PRKN: variants seen among roughly 807,000 people sequenced by gnomAD.
PRKN encodes parkin RBR E3 ubiquitin protein ligase.
A neutral mutation model predicts 59.5 loss-of-function variants in PRKN; 56 were observed. That is an observed-to-expected ratio of 0.94 (90% CI 0.76 to 1.18). The LOEUF is 1.18. Ranked by LOEUF, PRKN falls within the 50% of genes most tolerant of loss-of-function variation. The pLI is 0.00. For synonymous variants in PRKN, 250 were observed against 222.1 expected (o/e 1.13, Z -1.12); for missense variants, 657 against 596.4 (o/e 1.10, Z -1.06).
intron 2 of PRKN, among the ~76,000 whole-genome samples, chr6:162,419,343 C>A (rs1788832321): frequency 6.6e-6 from 1 of 152,106 alleles, no homozygotes; most frequent in Admixed American, 6.5e-5. Flanking sequence ...AAGTGTTCAA[C>A]TTTATTATAA....
chr6:161,589,124 T>C (rs1202938956), intron 7 of PRKN, among the ~76,000 whole-genome samples: 5 of 152,210 alleles, frequency 3.3e-5, no homozygotes, highest in Admixed American at 3.3e-4. Flanking sequence ...CAGGACATAG[T>C]ATACGGCATG....
At chr6:162,371,365 C>T (rs1230625146) in intron 2 of PRKN, among the ~76,000 whole-genome samples, 2 of 152,102 alleles carry the variant, frequency 1.3e-5, no homozygotes, top group East Asian at 1.9e-4. Context: ...GACTCACAGC[C>T]GCCCTCATGC....
At chr6:161,543,885 A>T (rs1779704551) in intron 9 of PRKN, among the ~76,000 whole-genome samples, 1 of 152,222 alleles carries the variant, frequency 6.6e-6, no homozygotes, top group South Asian at 2.1e-4. Context: ...TTCCAGCACT[A>T]AACACGTCAG....
In PRKN at chr6:162,306,268, T is replaced by C. The variant is rs1431540106; in HGVS notation, c.172-43503A>G. Among the ~76,000 whole-genome samples, 5 of 152,154 alleles carry C rather than the reference T, an allele frequency of 3.3e-5. No homozygotes were observed. In the East Asian group the frequency reaches 9.6e-4, roughly 29 times the overall value. On this transcript the variant is annotated intron_variant, in intron 2 of 11. Coordinates refer to ENST00000366898, the MANE Select transcript of PRKN (RefSeq NM_004562.3). ...AGGGTGTCGGGTAATTTGGTAATGC[T>C]GGTTCACAAGAAATGATGGTTCTAA...
chr6:161,734,345 A>G (rs906899397), intron 7 of PRKN, among the ~76,000 whole-genome samples: 3 of 152,186 alleles, frequency 2.0e-5, no homozygotes, highest in Admixed American at 1.3e-4. Context: ...CATCTTCCCT[A>G]GCTGTAATAT....
rs1388784975 is a variant in PRKN at position 161,473,241 on chromosome 6, A to T, written c.1083+75613T>A. 1.3e-5 allele frequency among the ~76,000 whole-genome samples: 2 copies of T among 152,186 alleles called. No individual in the cohort carries two copies. On this transcript the variant is annotated intron_variant, in intron 9 of 11. Transcript: ENST00000366898. This position sits in a 1 kb window ranked among gnomAD's most constrained non-coding sequence, Gnocchi z 4.1. ...TTTACAATAGCAAGATATGCAAACA[A>T]CCTAAGTAAGCATCAAAGGATGAAT...
At chr6:162,413,963 C>T (rs1788481240) in intron 2 of PRKN, among the ~76,000 whole-genome samples, 1 of 151,934 alleles carries the variant, frequency 6.6e-6, no homozygotes, top group Admixed American at 6.6e-5. Flanking sequence ...AGGTGGATCA[C>T]TTGAGGTCAA....
intron 1 of PRKN, among the ~76,000 whole-genome samples, chr6:162,633,521 A>G (rs1777595769): frequency 6.6e-6 from 1 of 151,586 alleles, no homozygotes; most frequent in Non-Finnish European, 1.5e-5. Context: ...TTCTAGAGAA[A>G]TTCAATTATG....
At chr6:162,540,932 A>G (rs958749445) in intron 1 of PRKN, among the ~76,000 whole-genome samples, 1 of 152,174 alleles carries the variant, frequency 6.6e-6, no homozygotes, top group African/African-American at 2.4e-5. Context: ...ATTGATGTCT[A>G]CATGTCTAAA....
intron 4 of PRKN, among the ~76,000 whole-genome samples, chr6:162,073,277 C>G (rs769543398): frequency 1.3e-5 from 2 of 152,198 alleles, no homozygotes; most frequent in Non-Finnish European, 2.9e-5. Flanking sequence ...GAACTTAAAA[C>G]ACAATGCTGC....
rs1270435235 is a variant in PRKN at position 161,429,997 on chromosome 6, G to T, written c.1084-43120C>A. Among the ~76,000 whole-genome samples the T allele has an allele frequency of 6.6e-6, 1 of 152,132 alleles. No individual in the cohort carries two copies. Among genetic ancestry groups the T allele is most frequent in the Non-Finnish European group, 1.5e-5 (1 of 68,034 alleles). ...CAGCAATATCTTTTTTCCTGTGCTG[G>T]TTTCTCAAATCCCAGTTCTCACAGG... On this transcript the variant is annotated intron_variant, in intron 9 of 11. Transcript: ENST00000366898. The surrounding 1 kb of genome is among the most constrained non-coding windows in gnomAD (Gnocchi z 4.2).
chr6:161,573,589 G>C (rs1420802420), intron 7 of PRKN, among the ~76,000 whole-genome samples: 1 of 149,490 alleles, frequency 6.7e-6, no homozygotes. Context: ...GCGTGGTGGC[G>C]GGCGCCTGTA....
intron 1 of PRKN, among the ~76,000 whole-genome samples, chr6:162,479,385 C>G (rs1209751671): frequency 6.6e-6 from 1 of 151,956 alleles, no homozygotes; most frequent in Non-Finnish European, 1.5e-5. Flanking sequence ...GCCAACATCC[C>G]CAGCTAATTT....
intron 7 of PRKN, among the ~76,000 whole-genome samples, chr6:161,718,165 G>GT (rs1160038095): frequency 2.0e-5 from 3 of 152,090 alleles, no homozygotes; most frequent in African/African-American, 7.2e-5. Flanking sequence ...AATAATTAAG[G>GT]TAACTTTCTT....
intron 1 of PRKN, among the ~76,000 whole-genome samples, chr6:162,562,088 T>C (rs1321077828): frequency 6.6e-6 from 1 of 152,026 alleles, no homozygotes; most frequent in Non-Finnish European, 1.5e-5. Flanking sequence ...CTTTGTTTTG[T>C]ATCTTGGATA....
At chr6:161,749,648 T>C (rs746281084) in intron 7 of PRKN, among the ~76,000 whole-genome samples, 4 of 152,076 alleles carry the variant, frequency 2.6e-5, no homozygotes, top group Non-Finnish European at 5.9e-5. Flanking sequence ...CATGGTACAC[T>C]GCAAACCCCT....
Position 161,410,866 on chromosome 6 carries a change from T to C in PRKN, c.1084-23989A>G, listed in dbSNP as rs1407053452. Among the ~76,000 whole-genome samples, 3 of 151,968 alleles carry C rather than the reference T, an allele frequency of 2.0e-5. No individual in the cohort carries two copies. Among genetic ancestry groups the C allele is most frequent in the African/African-American group, 7.3e-5 (3 of 41,356 alleles). On this transcript the variant is annotated intron_variant, in intron 9 of 11. Coordinates refer to ENST00000366898, the MANE Select transcript of PRKN (RefSeq NM_004562.3). This position sits in a 1 kb window ranked among gnomAD's most constrained non-coding sequence, Gnocchi z 5.3. ...ATTCCTTAAAACCAAGCAAAGCAAC[T>C]CATCACCTACCCATAAGAATAACAG...
In PRKN at chr6:161,533,985, T is replaced by C. The variant is rs1476384981; in HGVS notation, c.1083+14869A>G. 6.6e-6 allele frequency among the ~76,000 whole-genome samples: 1 copy of C among 152,056 alleles called. No individual in the cohort carries two copies. Among genetic ancestry groups the C allele is most frequent in the Non-Finnish European group, 1.5e-5 (1 of 68,008 alleles). On this transcript the variant is annotated intron_variant, in intron 9 of 11. Coordinates refer to ENST00000366898, the MANE Select transcript of PRKN (RefSeq NM_004562.3). This position sits in a 1 kb window ranked among gnomAD's most constrained non-coding sequence, Gnocchi z 4.1. ...GTCTCTGTGACTTCAGTGAACCCCC[T>C]TTCCACCTGTCCTCCTCGCCCTCAC...
chr6:161,650,108 C>T (rs748283022), intron 7 of PRKN, among the ~76,000 whole-genome samples: 1 of 152,154 alleles, frequency 6.6e-6, no homozygotes, highest in Non-Finnish European at 1.5e-5. Flanking sequence ...ACCTACAGGT[C>T]GTTCCAGATG....
Sources: gnomAD v4.1 joint callset for allele counts (sites outside exome capture counted in the v4.1 genomes callset) on GRCh38, gnomAD v4.1.1 for gene constraint, Gnocchi (gnomAD v3.1) non-coding constraint, MANE v1.5 for transcripts, NCBI Gene and HGNC (gene_info 2026-07-23, HGNC 2026-07-21) for gene names.